MSI2: variants seen among roughly 807,000 people sequenced by gnomAD.
MSI2 encodes RNA-binding protein Musashi homolog 2.
Under a neutral mutation model 45.6 loss-of-function variants are expected in MSI2, and 17 were observed. That is an observed-to-expected ratio of 0.37 (90% CI 0.26 to 0.56). The LOEUF (loss-of-function observed/expected upper bound fraction) is 0.56. Ranked by LOEUF, MSI2 falls within the 20% of genes least tolerant of loss-of-function variation. MSI2 has a pLI of 0.77. For missense variants in MSI2, 293 were observed against 444.2 expected, an observed-to-expected ratio of 0.66 and a Z score of 3.06; for synonymous variants, 156 against 158.2, an observed-to-expected ratio of 0.99 and a Z score of 0.11.
intron 11 of MSI2, among the ~76,000 whole-genome samples, chr17:57,673,719 G>T (rs1268155214): frequency 6.6e-6 from 1 of 152,056 alleles, no homozygotes; most frequent in Non-Finnish European, 1.5e-5. Context: ...GGATTGGGGG[G>T]GCCGAGGCAG....
chr17:57,501,910 T>C (rs1031017561), intron 6 of MSI2, among the ~76,000 whole-genome samples: 1 of 152,216 alleles, frequency 6.6e-6, no homozygotes, highest in Non-Finnish European at 1.5e-5. Context: ...TTATTACAGG[T>C]CTATTTCAAT....
At chr17:57,256,163 G>T (rs1026493118), upstream of MSI2, among the ~76,000 whole-genome samples, 1 of 152,050 alleles carries the variant, frequency 6.6e-6, no homozygotes, top group Non-Finnish European at 1.5e-5. Flanking sequence ...GTGAGGAGCC[G>T]CAGCAAGCTC....
intron 5 of MSI2, among the ~76,000 whole-genome samples, chr17:57,336,978 C>T (rs576408484): frequency 5.3e-5 from 8 of 152,168 alleles, no homozygotes; most frequent in South Asian, 2.1e-4. Context: ...GCAGGAGCTT[C>T]GCCTTCCGGG....
intron 6 of MSI2, among the ~76,000 whole-genome samples, chr17:57,415,105 A>T (rs12946525): frequency 0.11 from 16,300 of 152,122 alleles, 975 homozygotes; most frequent in East Asian, 0.28. Flanking sequence ...GCGTTGACTC[A>T]TCTAGGCTCA....
At position 57,663,727 on chromosome 17, in the gene MSI2, A is replaced by G. The variant is rs1484973463; in HGVS notation, c.791-11245A>G. On this transcript the variant is annotated intron_variant, in intron 11 of 13. Coordinates refer to ENST00000284073, the MANE Select transcript of MSI2 (RefSeq NM_138962.4). ...GTCCTTCTGTGTTTTCTGGCTTTTG[A>G]TTGATCAGCTCCAGGTGTGTAAAAT... Among the ~76,000 whole-genome samples the G allele has an allele frequency of 2.0e-5, 3 of 152,318 alleles. No individual in the cohort carries two copies. The East Asian group carries it at 5.8e-4, about 29-fold the overall frequency.
intron 7 of MSI2, among the ~76,000 whole-genome samples, chr17:57,562,315 A>T (rs1051694872): frequency 1.3e-5 from 2 of 152,244 alleles, no homozygotes; most frequent in Non-Finnish European, 2.9e-5. Context: ...GACATTTCTA[A>T]GACCGTACTT....
chr17:57,648,171 GTGTGTGTGTGTT>G (rs1437780518), intron 10 of MSI2, among the ~76,000 whole-genome samples: 3 of 148,710 alleles, frequency 2.0e-5, no homozygotes, highest in African/African-American at 7.6e-5. Flanking sequence ...GTGTGTGTGT[GTGTGTGTGTGTT>G]TGTAGTGACA....
At chr17:57,371,033 G>A (rs2083412608) in intron 5 of MSI2, among the ~76,000 whole-genome samples, 1 of 152,220 alleles carries the variant, frequency 6.6e-6, no homozygotes, top group South Asian at 2.1e-4. Context: ...TATGACGCAT[G>A]CAGTAGGCTC....
At chr17:57,262,408 A>G (rs1345446709) in intron 5 of MSI2, 4 of 485,914 alleles carry the variant, frequency 8.2e-6, no homozygotes, top group Non-Finnish European at 1.5e-5. Context: ...GGGGGCAGGG[A>G]CAAGTCTGAT....
chr17:57,400,946 G>A (rs867275156), intron 5 of MSI2, among the ~76,000 whole-genome samples: 34 of 152,160 alleles, frequency 2.2e-4, no homozygotes, highest in African/African-American at 7.7e-4. Context: ...ACAGCTCAGC[G>A]TAGACAGCCT....
At chr17:57,312,328 C>A (rs1011759411) in intron 5 of MSI2, among the ~76,000 whole-genome samples, 2 of 152,212 alleles carry the variant, frequency 1.3e-5, no homozygotes, top group African/African-American at 4.8e-5. Context: ...ACCTTCTATA[C>A]TTCCTTCCTA....
intron 11 of MSI2, among the ~76,000 whole-genome samples, chr17:57,663,001 C>T (rs560208151): frequency 1.3e-5 from 2 of 152,240 alleles, no homozygotes; most frequent in African/African-American, 2.4e-5. Flanking sequence ...CGATGGAGCA[C>T]GGGCGGGCTT....
chr17:57,588,465 G>A (rs147716493), intron 7 of MSI2, among the ~76,000 whole-genome samples: 11 of 152,192 alleles, frequency 7.2e-5, no homozygotes, highest in Non-Finnish European at 1.2e-4. Flanking sequence ...GTACATCTGC[G>A]GTTGGGGGTC....
chr17:57,619,824 C>A (rs778758791), intron 9 of MSI2, among the ~76,000 whole-genome samples: 5 of 152,200 alleles, frequency 3.3e-5, no homozygotes, highest in Admixed American at 6.5e-5. Flanking sequence ...GCTCTTCCCC[C>A]GTCTACTCAC....
intron 5 of MSI2, among the ~76,000 whole-genome samples, chr17:57,343,987 C>T (rs530590817): frequency 4.5e-4 from 68 of 152,278 alleles, no homozygotes; most frequent in Non-Finnish European, 8.7e-4. Flanking sequence ...CTTTGATCAC[C>T]TGGTCAAGGT....
At chr17:57,325,902 A>G (rs1438230759) in intron 5 of MSI2, among the ~76,000 whole-genome samples, 3 of 152,150 alleles carry the variant, frequency 2.0e-5, no homozygotes, top group East Asian at 3.8e-4. Flanking sequence ...TCCTGCACAC[A>G]CATCTTAGAC....
At chr17:57,528,155 A>G (rs1037349486) in intron 6 of MSI2, among the ~76,000 whole-genome samples, 1 of 151,292 alleles carries the variant, frequency 6.6e-6, no homozygotes. Context: ...TTGAGCACAA[A>G]GTAAATGAAG....
chr17:57,366,126 A>G (rs988733877), intron 5 of MSI2, among the ~76,000 whole-genome samples: 1 of 152,108 alleles, frequency 6.6e-6, no homozygotes, highest in African/African-American at 2.4e-5. Context: ...TGCCCAGGCT[A>G]GTCTTGAGCT....
chr17:57,384,541 C>T (rs2083652235), intron 5 of MSI2, among the ~76,000 whole-genome samples: 2 of 152,224 alleles, frequency 1.3e-5, no homozygotes, highest in South Asian at 4.1e-4. Context: ...ATGTTCATCC[C>T]TTCTTCTGTC....
Sources: gnomAD v4.1 joint callset for allele counts (sites outside exome capture counted in the v4.1 genomes callset) on GRCh38, gnomAD v4.1.1 for gene constraint, MANE v1.5 for transcripts, NCBI Gene and HGNC (gene_info 2026-07-23, HGNC 2026-07-21) for gene names.